PIK3R6: variants seen among roughly 807,000 people sequenced by gnomAD.
The protein encoded by PIK3R6 is phosphoinositide 3-kinase regulatory subunit 6.
PIK3R6 carries 91 observed loss-of-function variants against 84.9 expected under a neutral mutation model. The observed-to-expected ratio is 1.07, with a 90% CI of 0.90 to 1.28. The LOEUF is 1.28. PIK3R6 is among the 50% of genes most tolerant of loss of function. The pLI is 0.00. For synonymous variants in PIK3R6, 416 were observed against 411.4 expected (o/e 1.01, Z -0.13); for missense variants, 996 against 985.1 (o/e 1.01, Z -0.15).
At chr17:8,835,594 G>T (rs967073756) in intron 7 of PIK3R6, 138 bp from the exon 8 acceptor site, 12 of 728,950 alleles carry the variant, frequency 1.6e-5, no homozygotes, top group African/African-American at 3.5e-5. Context: ...AGATTCAAAA[G>T]TCTCTGGGTG....
At chr17:8,843,637 T>TA (rs111238957) in intron 2 of PIK3R6, among the ~76,000 whole-genome samples, 11,285 of 145,924 alleles carry the variant, frequency 0.077, 538 homozygotes, top group Non-Finnish European at 0.11. Flanking sequence ...TATAGTGTCT[T>TA]AAAAAAAAAA....
chr17:8,829,105 A>C (rs2088067538), intron 10 of PIK3R6, 115 bp from the exon 11 acceptor site: 1 of 1,003,914 alleles, frequency 1.0e-6, no homozygotes, highest in Non-Finnish European at 1.4e-6. Flanking sequence ...ACAGACACAT[A>C]AAGACACACA....
chr17:8,861,270 A>G (rs2089277417), intron 1 of PIK3R6, among the ~76,000 whole-genome samples: 1 of 152,132 alleles, frequency 6.6e-6, no homozygotes. Flanking sequence ...TCACAAAGAG[A>G]AAAGTTAATT....
At chr17:8,816,681 G>T (rs1031900017) in intron 18 of PIK3R6, among the ~76,000 whole-genome samples, 5 of 152,120 alleles carry the variant, frequency 3.3e-5, no homozygotes, top group Admixed American at 1.3e-4. Flanking sequence ...ATACAAGAAA[G>T]TATTCAATTT....
rs1464229924 is a variant in PIK3R6 at position 8,864,214 on chromosome 17, G to C, written c.-92+3315C>G. Among the ~76,000 whole-genome samples the C allele has an allele frequency of 2.6e-5, 4 of 152,310 alleles. No individual in the cohort carries two copies. The East Asian group carries it at 7.7e-4, about 29-fold the overall frequency. On this transcript the variant is annotated intron_variant, in intron 1 of 19. Coordinates refer to ENST00000619866, the MANE Select transcript of PIK3R6 (RefSeq NM_001010855.4). Reference sequence around the variant, plus strand: ...GATAATGTCTCCTTTCAGGGTAAAAGTTGGGCAGGTTTGTTTGCAGCTCGT... The same window carrying C: ...GATAATGTCTCCTTTCAGGGTAAAACTTGGGCAGGTTTGTTTGCAGCTCGT...
At position 8,804,040 on chromosome 17, in the gene PIK3R6, C is replaced by T; in HGVS notation, c.2108+1G>A. On this transcript the variant is annotated splice_donor_variant, in intron 19 of 19. Transcript: ENST00000619866. LOFTEE classifies it high-confidence loss of function. ...TCTAGGGTTGGCAGGCCCAGCCTCA[C>T]CTGACCACATCCCTGAAAGTGCGTT... 6.2e-7 allele frequency: 1 copy of T among 1,613,370 alleles called. No individual in the cohort carries two copies. Among genetic ancestry groups the T allele is most frequent in the African/African-American group, 1.3e-5 (1 of 75,036 alleles).
At chr17:8,825,488 C>T (rs575802661) in intron 13 of PIK3R6, among the ~76,000 whole-genome samples, 10 of 152,262 alleles carry the variant, frequency 6.6e-5, no homozygotes, top group Admixed American at 2.0e-4. Context: ...TAAATACTTA[C>T]AAGCACATGT....
At chr17:8,814,078 T>C (rs1280506122) in intron 18 of PIK3R6, among the ~76,000 whole-genome samples, 3 of 152,020 alleles carry the variant, frequency 2.0e-5, no homozygotes, top group Admixed American at 6.6e-5. Context: ...AAAACAAAAC[T>C]ATCCTAGCAA....
At position 8,821,883 on chromosome 17, in the gene PIK3R6, C is replaced by T. The variant is rs1390909881; in HGVS notation, c.1842G>A (p.Gly614=). 2 of 1,597,558 alleles carry T rather than the reference C, an allele frequency of 1.3e-6. No homozygotes were observed. The highest frequency in any genetic ancestry group is 4.5e-5 in the East Asian group (2 of 44,236). The change falls in exon 17 of 20, where the codon GGG becomes GGA. Residue 614 remains glycine, a synonymous_variant. Coordinates refer to ENST00000619866, the MANE Select transcript of PIK3R6 (RefSeq NM_001010855.4). ...REVTVSLRAT[G]LILKAIPASD... The stretch of plus-strand genomic sequence containing the variant: ...TGGCTGGAATGGCCTTCAGGATCAG[C>T]CCAGTGGCCCGCAGGGAAACGGTGA...
At chr17:8,820,804 G>A (rs951199880) in intron 17 of PIK3R6, among the ~76,000 whole-genome samples, 2 of 152,192 alleles carry the variant, frequency 1.3e-5, no homozygotes, top group African/African-American at 4.8e-5. Context: ...TAATTGGAAT[G>A]CTAGCAAAGC....
At chr17:8,866,837 C>T (rs2089424699) in intron 1 of PIK3R6, among the ~76,000 whole-genome samples, 1 of 152,142 alleles carries the variant, frequency 6.6e-6, no homozygotes, top group Non-Finnish European at 1.5e-5. Context: ...GTTGGTCACT[C>T]GCAGCTGTGT....
chr17:8,855,213 CAAAACAAAACAA>C (rs754710680), intron 1 of PIK3R6, among the ~76,000 whole-genome samples: 52 of 142,632 alleles, frequency 3.6e-4, no homozygotes, highest in Middle Eastern at 3.4e-3. Flanking sequence ...CAAAACAAAA[CAAAACAAAACAA>C]AACAACAATA....
At chr17:8,841,673 T>C (rs1333644653) in intron 2 of PIK3R6, among the ~76,000 whole-genome samples, 2 of 152,070 alleles carry the variant, frequency 1.3e-5, no homozygotes, top group Admixed American at 6.5e-5. Flanking sequence ...GAATAATTTC[T>C]TTCTTTAACA....
chr17:8,803,710 C>T lies in PIK3R6; in HGVS notation c.2109-281G>A. 1.8e-6 allele frequency: 1 copy of T among 548,476 alleles called. No homozygotes were observed. Among genetic ancestry groups the T allele is most frequent in the South Asian group, 2.3e-5 (1 of 42,594 alleles). 34.0% of individuals were successfully genotyped at this position (548,476 alleles called of 1,614,324 possible). On this transcript the variant is annotated intron_variant, in intron 19 of 19. Transcript: ENST00000619866. The surrounding 1 kb of genome is among the most constrained non-coding windows in gnomAD (Gnocchi z 5.0). ...GCCAGTAAGGGTCAGCTAACTGGAA[C>T]ACAGATGCCACAGGTCAGCCTGTGT...
In PIK3R6 at chr17:8,821,690, G is replaced by A. The variant is rs191432768; in HGVS notation, c.1879+156C>T. ...GCCAGTGCTAGAGTCTGGGTGACCC[G>A]ACAGCAAGCAACTTGAAGGCAGTCA... On this transcript the variant is annotated intron_variant, in intron 17 of 19. Transcript: ENST00000619866. Among the ~76,000 whole-genome samples the A allele has an allele frequency of 5.8e-4, 88 of 152,202 alleles. 1 individual carries two copies. The highest frequency in any genetic ancestry group is 1.9e-3 in the African/African-American group (80 of 41,540).
In PIK3R6 at chr17:8,842,337, T is replaced by C. The variant is rs2088703715; in HGVS notation, c.14-2640A>G. Among the ~76,000 whole-genome samples the C allele has an allele frequency of 6.6e-6, 1 of 152,150 alleles. No individual in the cohort carries two copies. Among genetic ancestry groups the C allele is most frequent in the Non-Finnish European group, 1.5e-5 (1 of 68,028 alleles). Reference sequence around the variant, plus strand: ...ATGGTAGTGGTTCTAAAGCAGGACCTTCCCCAGGAGACGCTCAAGCTTCTC... The same window carrying C: ...ATGGTAGTGGTTCTAAAGCAGGACCCTCCCCAGGAGACGCTCAAGCTTCTC... On this transcript the variant is annotated intron_variant, in intron 2 of 19. Coordinates refer to ENST00000619866, the MANE Select transcript of PIK3R6 (RefSeq NM_001010855.4). The surrounding 1 kb of genome is among the most constrained non-coding windows in gnomAD (Gnocchi z 4.5).
In PIK3R6 at chr17:8,867,545, C is replaced by A. The variant is rs1158205112; in HGVS notation, c.-108G>T. 1 of 491,486 alleles carries A rather than the reference C, an allele frequency of 2.0e-6. No homozygotes were observed. The highest frequency in any genetic ancestry group is 1.9e-5 in the African/African-American group (1 of 51,314). The allele number at this position is 491,486 out of a possible 1,614,324, so 30.4% of individuals were successfully genotyped here. ...AGCACTTACCTTGGTTCGGTGGCAG[C>A]TTCTGGGCTCCCCAAGTCCTTCAGC... On this transcript the variant is annotated 5_prime_UTR_variant, in exon 1 of 20. Transcript: ENST00000619866.
chr17:8,861,731 AAGTGATGCTG>A (rs2089292090), intron 1 of PIK3R6, among the ~76,000 whole-genome samples: 1 of 152,124 alleles, frequency 6.6e-6, no homozygotes, highest in African/African-American at 2.4e-5. Context: ...GTTGCAAGAG[AAGTGATGCTG>A]GCAATTGAGA....
In PIK3R6 at chr17:8,803,907, G is replaced by A. The variant is rs554929793; in HGVS notation, c.2108+134C>T. 1.3e-3 allele frequency: 972 copies of A among 758,990 alleles called. 1 individual carries two copies. Among genetic ancestry groups the A allele is most frequent in the Non-Finnish European group, 1.9e-3 (851 of 451,960 alleles). 47.0% of individuals were successfully genotyped at this position (758,990 alleles called of 1,614,324 possible). A position where few individuals can be genotyped will look rare whatever the true frequency, so the allele number is the denominator to read the frequency against. ...AGTGGCCTCTGTCCATCCTCACCAA[G>A]GTTACCTGCCTGGCCACAGGATCTA... On this transcript the variant is annotated intron_variant, in intron 19 of 19. Coordinates refer to ENST00000619866, the MANE Select transcript of PIK3R6 (RefSeq NM_001010855.4). The surrounding 1 kb of genome is among the most constrained non-coding windows in gnomAD (Gnocchi z 5.0).
Sources: allele counts gnomAD v4.1 joint callset (sites outside exome capture counted in the v4.1 genomes callset), GRCh38; gene constraint gnomAD v4.1.1; non-coding constraint Gnocchi (gnomAD v3.1); transcripts MANE v1.5; gene names NCBI Gene and HGNC (gene_info 2026-07-23, HGNC 2026-07-21).